Variants in FER observed in about 807,000 individuals in gnomAD.
FER encodes the protein FER tyrosine kinase.
FER carries 63 observed loss-of-function variants against 111.0 expected under a neutral mutation model. The ratio of observed to expected loss-of-function variants is 0.57; its 90% CI spans 0.46 to 0.70. The LOEUF (loss-of-function observed/expected upper bound fraction) is 0.70. Ranked by LOEUF, FER falls within the 30% of genes least tolerant of loss-of-function variation. The pLI is 0.00. For synonymous variants in FER, 327 were observed against 313.9 expected (o/e 1.04, Z -0.44); for missense variants, 914 against 954.0 (o/e 0.96, Z 0.55).
At chr5:108,998,217 A>G (rs995125513) in intron 13 of FER, among the ~76,000 whole-genome samples, 3 of 149,046 alleles carry the variant, frequency 2.0e-5, no homozygotes, top group Non-Finnish European at 4.4e-5. Flanking sequence ...TCTTGCAGCT[A>G]GCTAGGTACT....
At position 109,193,637 on chromosome 5, in the gene FER, C is replaced by T. The variant is rs1025639154; in HGVS notation, c.*6062C>T. On this transcript the variant is annotated 3_prime_UTR_variant, in exon 20 of 20. Coordinates refer to ENST00000281092, the MANE Select transcript of FER (RefSeq NM_005246.4). ...CAGAAAGTTTTTCTTGAACATCTGC[C>T]ACATGAGGTGCAGAGAATACTACCA... 4 of 152,148 alleles carry T rather than the reference C, an allele frequency of 2.6e-5. No individual in the cohort carries two copies. The highest frequency in any genetic ancestry group is 5.9e-5 in the Non-Finnish European group (4 of 68,026). 9.4% of individuals were successfully genotyped at this position (152,148 alleles called of 1,614,324 possible).
intron 13 of FER, among the ~76,000 whole-genome samples, chr5:108,996,044 G>C (rs774201298): frequency 3.3e-5 from 5 of 152,158 alleles, no homozygotes; most frequent in South Asian, 2.1e-4. Flanking sequence ...TCGTATGTTT[G>C]TTGGCCGCAT....
intron 18 of FER, among the ~76,000 whole-genome samples, chr5:109,184,582 T>C (rs1758650905): frequency 6.6e-6 from 1 of 152,192 alleles, no homozygotes; most frequent in Admixed American, 6.5e-5. Flanking sequence ...GATATGAGTC[T>C]GTATAACCTA....
At chr5:108,778,947 A>G (rs778173508) in intron 2 of FER, among the ~76,000 whole-genome samples, 3 of 150,430 alleles carry the variant, frequency 2.0e-5, no homozygotes, top group Non-Finnish European at 4.4e-5. Context: ...TGCATTTTAC[A>G]TTTTGGCCTA....
In FER at chr5:109,164,813, C is replaced by T. The variant is rs558276090; in HGVS notation, c.2049-15934C>T. 7.2e-5 allele frequency among the ~76,000 whole-genome samples: 11 copies of T among 152,234 alleles called. No individual in the cohort carries two copies. In the South Asian group the frequency reaches 1.9e-3, roughly 26 times the overall value. ...TTCATGTATGTGAACAGGAGAGCAA[C>T]TTTGGCATATTTTTACTTTTCACTT... is the stretch of plus-strand genomic sequence containing the variant. On this transcript the variant is annotated intron_variant, in intron 17 of 19. Coordinates refer to ENST00000281092, the MANE Select transcript of FER (RefSeq NM_005246.4).
chr5:108,867,596 C>A (rs1764195867), intron 5 of FER, among the ~76,000 whole-genome samples, 171 bp from the exon 6 acceptor site: 1 of 152,032 alleles, frequency 6.6e-6, no homozygotes, highest in South Asian at 2.1e-4. Flanking sequence ...ATTTGCAAAT[C>A]TAACAGTACC....
chr5:108,893,003 C>G (rs201269740), intron 9 of FER, among the ~76,000 whole-genome samples: 2 of 152,084 alleles, frequency 1.3e-5, no homozygotes, highest in Non-Finnish European at 2.9e-5. Context: ...TTTCTGAGGG[C>G]TCTGTTCTGT....
chr5:109,136,169 T>G (rs1313166552), intron 17 of FER, among the ~76,000 whole-genome samples: 1 of 152,006 alleles, frequency 6.6e-6, no homozygotes, highest in Non-Finnish European at 1.5e-5. Flanking sequence ...GGTGAGAGAA[T>G]CACTTGAACC....
chr5:108,926,395 G>T (rs948053845), intron 10 of FER, among the ~76,000 whole-genome samples: 2 of 152,010 alleles, frequency 1.3e-5, no homozygotes, highest in African/African-American at 4.8e-5. Flanking sequence ...AAAGATTACA[G>T]TTTTATTATT....
chr5:108,997,416 C>CAAA (rs552848111), intron 13 of FER, among the ~76,000 whole-genome samples: 1,273 of 107,968 alleles, frequency 0.012, 16 homozygotes, highest in Non-Finnish European at 0.017. Flanking sequence ...GACCCTGTCT[C>CAAA]AAAAAAAAAA....
rs183526770 is a variant in FER at position 108,958,471 on chromosome 5, A to G, written c.1534-754A>G. On this transcript the variant is annotated intron_variant, in intron 12 of 19. Transcript: ENST00000281092. ...TGATTTGCCAGGTTTATTGCTATCAATTTATCCATATGACAACCTACTCAT... is the reference window on the plus strand; with the variant it reads ...TGATTTGCCAGGTTTATTGCTATCAGTTTATCCATATGACAACCTACTCAT... Among the ~76,000 whole-genome samples, 4 of 151,902 alleles carry G rather than the reference A, an allele frequency of 2.6e-5. No homozygotes were observed. In the East Asian group the frequency reaches 5.8e-4, roughly 22 times the overall value.
At chr5:109,113,620 C>T (rs1197582860) in intron 17 of FER, among the ~76,000 whole-genome samples, 7 of 152,088 alleles carry the variant, frequency 4.6e-5, no homozygotes, top group Non-Finnish European at 7.4e-5. Flanking sequence ...GCATACACAG[C>T]GCAAGCCGGG....
At chr5:108,749,245 T>C (rs1750152676) in intron 1 of FER, among the ~76,000 whole-genome samples, 1 of 151,646 alleles carries the variant, frequency 6.6e-6, no homozygotes, top group Non-Finnish European at 1.5e-5. Context: ...AGAGCATTCC[T>C]GGTTGGGGCT....
At chr5:108,940,600 A>G (rs76206482) in intron 10 of FER, among the ~76,000 whole-genome samples, 8,734 of 151,648 alleles carry the variant, frequency 0.058, 317 homozygotes, top group South Asian at 0.12. Flanking sequence ...TCAATCCTCA[A>G]AAGTTTTTAA....
intron 14 of FER, among the ~76,000 whole-genome samples, chr5:109,038,558 TGG>T (rs1470835556): frequency 6.6e-6 from 1 of 151,980 alleles, no homozygotes; most frequent in African/African-American, 2.4e-5. Context: ...GAATTGTTAT[TGG>T]AAAGCAGATT....
At chr5:108,905,868 A>T (rs1027642852) in intron 10 of FER, among the ~76,000 whole-genome samples, 6 of 152,212 alleles carry the variant, frequency 3.9e-5, no homozygotes, top group African/African-American at 1.4e-4. Flanking sequence ...AATTGTTTTC[A>T]TCAAGTATTT....
intron 16 of FER, among the ~76,000 whole-genome samples, chr5:109,059,504 G>C (rs1427815542): frequency 2.0e-5 from 3 of 152,250 alleles, no homozygotes; most frequent in East Asian, 3.9e-4. Context: ...CTCCAGCCTG[G>C]CGACAGAGTG....
At chr5:109,004,213 T>G (rs1765208796) in intron 13 of FER, among the ~76,000 whole-genome samples, 1 of 152,164 alleles carries the variant, frequency 6.6e-6, no homozygotes, top group African/African-American at 2.4e-5. Context: ...TACTTAAACA[T>G]TTATGTCCTC....
At chr5:109,084,508 A>T (rs1037992123) in intron 16 of FER, among the ~76,000 whole-genome samples, 6 of 48,804 alleles carry the variant, frequency 1.2e-4, no homozygotes, top group East Asian at 5.6e-4. Flanking sequence ...AATTAAAAAT[A>T]AAAAAAAATT....
Sources: gnomAD v4.1 joint callset for allele counts (sites outside exome capture counted in the v4.1 genomes callset) on GRCh38, gnomAD v4.1.1 for gene constraint, MANE v1.5 for transcripts, NCBI Gene and HGNC (gene_info 2026-07-23, HGNC 2026-07-21) for gene names.